Variants in TAFA1 observed in about 807,000 individuals in gnomAD.
TAFA1 encodes chemokine-like protein TAFA-1.
In TAFA1, 4 loss-of-function variants were observed where a neutral mutation model predicts 18.5. That is an observed-to-expected ratio of 0.22 (90% CI 0.11 to 0.49). TAFA1 has a LOEUF of 0.49. TAFA1 is among the 20% of genes least tolerant of loss of function. The pLI, the probability that TAFA1 is intolerant of heterozygous loss-of-function variation, is 0.98. For missense variants in TAFA1, 147 were observed against 169.0 expected (o/e 0.87, Z 0.72); for synonymous variants, 56 against 55.2 (o/e 1.01, Z -0.06).
intron 2 of TAFA1, among the ~76,000 whole-genome samples, chr3:68,088,528 A>G (rs967182807): frequency 1.1e-4 from 17 of 152,218 alleles, no homozygotes; most frequent in African/African-American, 3.9e-4. Flanking sequence ...TCTGAAAATG[A>G]GAGCACAGTG....
intron 2 of TAFA1, among the ~76,000 whole-genome samples, chr3:68,065,505 T>G (rs889049600): frequency 3.3e-5 from 5 of 152,008 alleles, no homozygotes; most frequent in Non-Finnish European, 7.4e-5. Context: ...CCCTTGAGGT[T>G]ATTGAGCACT....
chr3:68,290,386 C>T (rs1375068044), intron 2 of TAFA1, among the ~76,000 whole-genome samples: 2 of 152,208 alleles, frequency 1.3e-5, no homozygotes, highest in East Asian at 3.9e-4. Flanking sequence ...TATTCTTGTT[C>T]ACATCTGTCT....
At chr3:68,205,486 T>C (rs2066515647) in intron 2 of TAFA1, among the ~76,000 whole-genome samples, 1 of 151,882 alleles carries the variant, frequency 6.6e-6, no homozygotes. Context: ...CGGTCCCACT[T>C]TCCACATTGG....
At chr3:68,056,405 A>G (rs1471612799) in intron 2 of TAFA1, among the ~76,000 whole-genome samples, 1 of 152,188 alleles carries the variant, frequency 6.6e-6, no homozygotes, top group Non-Finnish European at 1.5e-5. Flanking sequence ...TGCAAGTCCC[A>G]TGTCCCAGGA....
chr3:68,067,438 C>A (rs1054468851), intron 2 of TAFA1, among the ~76,000 whole-genome samples: 2 of 152,028 alleles, frequency 1.3e-5, no homozygotes, highest in Non-Finnish European at 2.9e-5. Context: ...GTTTAATGTC[C>A]TTTTTCCTCC....
chr3:68,247,481 G>C (rs1210053724), intron 2 of TAFA1: 1 of 152,148 alleles, frequency 6.6e-6, no homozygotes, highest in African/African-American at 2.4e-5. Context: ...AGCCACCTCA[G>C]GTCCCTCATG....
intron 2 of TAFA1, among the ~76,000 whole-genome samples, chr3:68,201,428 C>A (rs1406109813): frequency 4.6e-5 from 7 of 151,546 alleles, no homozygotes; most frequent in African/African-American, 1.7e-4. Context: ...TCAACTATGT[C>A]CTTTCTGATT....
intron 2 of TAFA1, among the ~76,000 whole-genome samples, chr3:68,085,051 C>G (rs773863428): frequency 5.3e-5 from 8 of 152,200 alleles, no homozygotes; most frequent in Non-Finnish European, 8.8e-5. Context: ...CATGTGTGTT[C>G]AAATGAAACA....
chr3:68,516,975 C>T lies in TAFA1; in HGVS notation c.260-21781C>T, dbSNP rs535737216. Among the ~76,000 whole-genome samples the T allele has an allele frequency of 5.7e-4, 87 of 152,142 alleles. 3 individuals are homozygous for T. In the South Asian group the frequency reaches 0.013, roughly 22 times the overall value. ...TTTTAATAGAGATAGGGCTTCACCACGCTGGCCAGACTGGTCTCAAACTCC... is the reference window on the plus strand; with the variant it reads ...TTTTAATAGAGATAGGGCTTCACCATGCTGGCCAGACTGGTCTCAAACTCC... On this transcript the variant is annotated intron_variant, in intron 3 of 4. Coordinates refer to ENST00000478136, the MANE Select transcript of TAFA1 (RefSeq NM_213609.4).
Position 68,402,668 on chromosome 3 carries a change from A to G in TAFA1, c.119-14612A>G, listed in dbSNP as rs1346693002. Among the ~76,000 whole-genome samples the G allele has an allele frequency of 3.3e-5, 5 of 152,174 alleles. No homozygotes were observed. The East Asian group carries it at 5.8e-4, about 18-fold the overall frequency. ...CACAGCCCTCAAAATATAAATAAAT[A>G]TATACTTTTGTTATTACCTCTCAGC... is the stretch of plus-strand genomic sequence containing the variant. On this transcript the variant is annotated intron_variant, in intron 2 of 4. Coordinates refer to ENST00000478136, the MANE Select transcript of TAFA1 (RefSeq NM_213609.4).
At chr3:68,050,537 G>A (rs1224123956) in intron 2 of TAFA1, among the ~76,000 whole-genome samples, 1 of 152,122 alleles carries the variant, frequency 6.6e-6, no homozygotes, top group Admixed American at 6.6e-5. Flanking sequence ...TTGCTGATAG[G>A]AATGTGTACA....
chr3:68,322,362 A>G (rs2068708570), intron 2 of TAFA1, among the ~76,000 whole-genome samples: 1 of 152,182 alleles, frequency 6.6e-6, no homozygotes, highest in Admixed American at 6.6e-5. Flanking sequence ...ATTCCTCTCA[A>G]AATCATCTAT....
chr3:68,528,397 A>G (rs1016090535), intron 3 of TAFA1, among the ~76,000 whole-genome samples: 3 of 152,196 alleles, frequency 2.0e-5, no homozygotes, highest in African/African-American at 7.2e-5. Flanking sequence ...GTCTTAGTCA[A>G]TACATAATGT....
intron 2 of TAFA1, among the ~76,000 whole-genome samples, chr3:68,390,299 C>T (rs543657884): frequency 1.3e-5 from 2 of 152,162 alleles, no homozygotes; most frequent in Non-Finnish European, 2.9e-5. Flanking sequence ...CAGACTGCCT[C>T]TCTAGATCCC....
intron 2 of TAFA1, among the ~76,000 whole-genome samples, chr3:68,040,703 G>A (rs572625454): frequency 6.6e-4 from 101 of 152,160 alleles, no homozygotes; most frequent in African/African-American, 2.3e-3. Flanking sequence ...TCCTCCTTCT[G>A]CCAGACCTAC....
intron 2 of TAFA1, among the ~76,000 whole-genome samples, chr3:68,221,780 T>C (rs1049510793): frequency 6.6e-6 from 1 of 152,206 alleles, no homozygotes; most frequent in Non-Finnish European, 1.5e-5. Flanking sequence ...ATGAATATGA[T>C]CTATAATAAA....
At chr3:68,178,771 G>T (rs1466528465) in intron 2 of TAFA1, among the ~76,000 whole-genome samples, 1 of 152,208 alleles carries the variant, frequency 6.6e-6, no homozygotes, top group South Asian at 2.1e-4. Flanking sequence ...ACAAAGCTTT[G>T]TTATCCACGT....
chr3:68,079,771 G>GA (rs1346759572), intron 2 of TAFA1, among the ~76,000 whole-genome samples: 11 of 152,062 alleles, frequency 7.2e-5, no homozygotes, highest in Non-Finnish European at 1.0e-4. Context: ...GTGTGGTGCT[G>GA]AAAAAAATGT....
chr3:68,519,471 T>C (rs1392731411), intron 3 of TAFA1, among the ~76,000 whole-genome samples: 5 of 152,256 alleles, frequency 3.3e-5, no homozygotes, highest in South Asian at 4.1e-4. Flanking sequence ...GATTACCTCA[T>C]AGTTTTGTAT....
Sources: allele counts gnomAD v4.1 joint callset (sites outside exome capture counted in the v4.1 genomes callset), GRCh38; gene constraint gnomAD v4.1.1; transcripts MANE v1.5; gene names NCBI Gene and HGNC (gene_info 2026-07-23, HGNC 2026-07-21).